Variants in OAS2 observed in about 807,000 individuals in gnomAD.
OAS2 encodes the protein 2'-5'-oligoadenylate synthase 2.
Under a neutral mutation model 71.3 loss-of-function variants are expected in OAS2, and 67 were observed. That is an observed-to-expected ratio of 0.94 (90% CI 0.77 to 1.15). OAS2 has a LOEUF of 1.15. Ranked by LOEUF, OAS2 falls within the 50% of genes most tolerant of loss-of-function variation. The pLI, the probability that OAS2 is intolerant of heterozygous loss-of-function variation, is 0.00. For missense variants in OAS2, 789 were observed against 822.5 expected (o/e 0.96, Z 0.50); for synonymous variants, 327 against 321.8 (o/e 1.02, Z -0.17).
intron 1 of OAS2, among the ~76,000 whole-genome samples, chr12:112,984,236 CATATACATATATATGTCT>C (rs2044110801): frequency 6.6e-6 from 1 of 152,162 alleles, no homozygotes; most frequent in Non-Finnish European, 1.5e-5. Flanking sequence ...TATAAATATA[CATATACATATATATGTCT>C]ATATACATAT....
At chr12:112,998,886 A>G (rs900061837) in intron 5 of OAS2, among the ~76,000 whole-genome samples, 4 of 152,230 alleles carry the variant, frequency 2.6e-5, no homozygotes, top group African/African-American at 9.7e-5. Flanking sequence ...ACTATTTCCA[A>G]GTAACACACA....
intron 1 of OAS2, among the ~76,000 whole-genome samples, chr12:112,979,697 T>A (rs1477760576): frequency 6.6e-6 from 1 of 152,152 alleles, no homozygotes; most frequent in Non-Finnish European, 1.5e-5. Flanking sequence ...ACAAACAATG[T>A]AACTGTGTAA....
At chr12:113,003,136 T>C (rs759283739) in intron 6 of OAS2, 34 bp downstream of exon 6, 8 of 1,607,388 alleles carry the variant, frequency 5.0e-6, no homozygotes, top group Non-Finnish European at 6.8e-6. Context: ...CTTGTTGGAA[T>C]GATGTAATAT....
rs1322885617 is a variant in OAS2, at chr12:112,997,501, C to T, written c.628-19C>T. 1 of 1,604,378 alleles carries T rather than the reference C, an allele frequency of 6.2e-7. No homozygotes were observed. The highest frequency in any genetic ancestry group is 1.7e-5 in the Admixed American group (1 of 59,846). ...AACTAGATCCCCCAATGAGCTGCTA[C>T]CCTTTCCTTATCCCACAGTGCCAGA... On this transcript the variant is annotated intron_variant, in intron 3 of 9. Coordinates refer to ENST00000392583, the MANE Select transcript of OAS2 (RefSeq NM_002535.3).
Position 113,010,318 on chromosome 12 carries a change from G to T in OAS2, c.*1063G>T. On this transcript the variant is annotated 3_prime_UTR_variant, in exon 10 of 10. Coordinates refer to ENST00000392583, the MANE Select transcript of OAS2 (RefSeq NM_002535.3). ...CCCTTTTTTCCCCTAACTCTTTTAA[G>T]CAATGATTGTAACTATTAGGAGACA... The T allele has an allele frequency of 6.4e-7, 1 of 1,555,374 alleles. No individual in the cohort carries two copies.
chr12:112,987,233 G>A lies in OAS2; in HGVS notation c.373G>A (p.Asp125Asn). The change falls in exon 2 of 10, where the codon GAT (aspartate) becomes AAT (asparagine). Residue 125 changes from aspartate to asparagine, a missense_variant. Coordinates refer to ENST00000392583, the MANE Select transcript of OAS2 (RefSeq NM_002535.3). ...KNNFEIQKSL[D>N]GFTIQVFTKN... ...CAATTTCGAGATCCAGAAGTCCCTT[G>A]ATGGGTTCACCATCCAGGTGTTCAC... 6.2e-7 allele frequency: 1 copy of A among 1,614,180 alleles called. No individual in the cohort carries two copies. The highest frequency in any genetic ancestry group is 8.5e-7 in the Non-Finnish European group (1 of 1,180,038).
intron 1 of OAS2, 141 bp from the exon 2 acceptor site, chr12:112,986,897 T>A: frequency 8.8e-7 from 1 of 1,137,626 alleles, no homozygotes; most frequent in Non-Finnish European, 1.3e-6. Context: ...CAATCAGGTC[T>A]TTGTGGGGCA....
At chr12:113,000,698 GCATGCACAC>G (rs1392962630) in intron 5 of OAS2, among the ~76,000 whole-genome samples, 1 of 147,868 alleles carries the variant, frequency 6.8e-6, no homozygotes, top group African/African-American at 2.5e-5. Flanking sequence ...GCACACACAT[GCATGCACAC>G]CATGCACACA....
rs763144425 is a variant in OAS2, at chr12:113,007,922, T to C, written c.1874T>C (p.Leu625Pro). 5 of 1,613,998 alleles carry C rather than the reference T, an allele frequency of 3.1e-6. No homozygotes were observed. The highest frequency in any genetic ancestry group is 4.2e-6 in the Non-Finnish European group (5 of 1,179,836). Residue 625 changes from leucine (L) to proline (P), a missense_variant, in exon 9 of 10, where the codon CTG becomes CCG. By Grantham distance (98) the Leu-to-Pro change is moderately conservative. Transcript: ENST00000392583. ...GATGAGACCGTGAGGAAGTTTCTACTGAGCCAGTTGCAGAAAACCAGGTGC... is the reference window on the plus strand; with the variant it reads ...GATGAGACCGTGAGGAAGTTTCTACCGAGCCAGTTGCAGAAAACCAGGTGC... ...FEDETVRKFLLSQLQKTRPVI... is the reference protein window; with the variant it reads ...FEDETVRKFLPSQLQKTRPVI...
At chr12:112,988,100 T>A (rs1023328578) in intron 2 of OAS2, 5 of 985,258 alleles carry the variant, frequency 5.1e-6, no homozygotes, top group Admixed American at 1.2e-4. Context: ...TTGCAGAATA[T>A]TTAAGGCCAT....
rs189049565 is a variant in OAS2 at position 112,995,885 on chromosome 12, C to A, written c.627+411C>A. On this transcript the variant is annotated intron_variant, in intron 3 of 9. Coordinates refer to ENST00000392583, the MANE Select transcript of OAS2 (RefSeq NM_002535.3). ...GTGGTGGGATCTTGGCTCACTGCAA[C>A]CTGTCTCCTGGGCTCAAGCAATCCT... is the stretch of plus-strand genomic sequence containing the variant. 6.6e-5 allele frequency among the ~76,000 whole-genome samples: 10 copies of A among 152,220 alleles called. No homozygotes were observed. The East Asian group carries it at 1.7e-3, about 26-fold the overall frequency.
chr12:113,003,900 G>A lies in OAS2; in HGVS notation c.1179+798G>A, dbSNP rs560235131. ...CACCAATAGCCCCAGGGCAATGAGT[G>A]AACTGTCTCATTGAAGGTCACTGGA... On this transcript the variant is annotated intron_variant, in intron 6 of 9. Coordinates refer to ENST00000392583, the MANE Select transcript of OAS2 (RefSeq NM_002535.3). Among the ~76,000 whole-genome samples the A allele has an allele frequency of 1.0e-3, 157 of 152,360 alleles. 1 individual carries two copies. The Middle Eastern group carries it at 0.017, about 17-fold the overall frequency.
At chr12:112,980,647 T>C (rs2044072233) in intron 1 of OAS2, among the ~76,000 whole-genome samples, 1 of 152,248 alleles carries the variant, frequency 6.6e-6, no homozygotes, top group South Asian at 2.1e-4. Context: ...TGCTGATGGA[T>C]ACGTTGGTTG....
At position 112,980,760 on chromosome 12, in the gene OAS2, G is replaced by T. The variant is rs551591506; in HGVS notation, c.177+1975G>T. Among the ~76,000 whole-genome samples the T allele has an allele frequency of 2.0e-5, 3 of 152,234 alleles. No individual in the cohort carries two copies. The South Asian group carries it at 6.2e-4, about 32-fold the overall frequency. ...AGTAGTGGGATTGCTGGATTGAATGGCAGTGCCATTTTTATTTTTTTTAGA... is the reference window on the plus strand; with the variant it reads ...AGTAGTGGGATTGCTGGATTGAATGTCAGTGCCATTTTTATTTTTTTTAGA... On this transcript the variant is annotated intron_variant, in intron 1 of 9. Transcript: ENST00000392583.
At chr12:112,992,227 T>C (rs2044198607) in intron 2 of OAS2, among the ~76,000 whole-genome samples, 1 of 151,908 alleles carries the variant, frequency 6.6e-6, no homozygotes, top group Admixed American at 6.6e-5. Context: ...AAACCCCATC[T>C]CTACAAAAGA....
At chr12:113,006,286 T>C in intron 7 of OAS2, 127 bp from the exon 8 acceptor site, 2 of 740,440 alleles carry the variant, frequency 2.7e-6, no homozygotes, top group Non-Finnish European at 4.0e-6. Context: ...TAGACATCAG[T>C]CTTTTAAATA....
chr12:113,005,979 A>AG (rs1434055387), intron 7 of OAS2, among the ~76,000 whole-genome samples: 31 of 146,192 alleles, frequency 2.1e-4, no homozygotes, highest in South Asian at 6.6e-4. Flanking sequence ...GATTTAGCCC[A>AG]GGGGGCGGTA....
Position 112,987,590 on chromosome 12 carries a change from C to G in OAS2, c.448+282C>G, listed in dbSNP as rs1198728461. On this transcript the variant is annotated intron_variant, in intron 2 of 9. Coordinates refer to ENST00000392583, the MANE Select transcript of OAS2 (RefSeq NM_002535.3). ...ACTGTACACATAAATCACCTGGAAC[C>G]TTGTTAAAATGCAGATCCTGACTCA... 5 of 1,266,180 alleles carry G rather than the reference C, an allele frequency of 3.9e-6. No homozygotes were observed. The East Asian group carries it at 1.5e-4, about 38-fold the overall frequency. The allele number at this position is 1,266,180 out of a possible 1,614,324, so 78.4% of individuals were successfully genotyped here. A position where few individuals can be genotyped will look rare whatever the true frequency, so the allele number is the denominator to read the frequency against.
Position 112,998,308 on chromosome 12 carries a change from T to C in OAS2, c.906T>C (p.Ser302=). ...LDPVDPTNNV[S]GDKICWQWLK... is the part of the protein sequence containing the mutation. ...CAGTTGACCCAACCAATAATGTGAG[T>C]GGAGATAAAATATGCTGGCAATGGC... Residue 302 remains serine, a synonymous_variant, in exon 5 of 10, where the codon AGT becomes AGC. Coordinates refer to ENST00000392583, the MANE Select transcript of OAS2 (RefSeq NM_002535.3). 1 of 1,612,118 alleles carries C rather than the reference T, an allele frequency of 6.2e-7. No homozygotes were observed. Among genetic ancestry groups the C allele is most frequent in the Non-Finnish European group, 8.5e-7 (1 of 1,179,404 alleles).
Sources: allele counts gnomAD v4.1 joint callset (sites outside exome capture counted in the v4.1 genomes callset), GRCh38; gene constraint gnomAD v4.1.1; transcripts MANE v1.5; gene names NCBI Gene and HGNC (gene_info 2026-07-23, HGNC 2026-07-21).